The following CDC42BPB variants were observed in gnomAD, a reference collection of about 807,000 sequenced individuals.
CDC42BPB encodes the protein CDC42 binding protein kinase beta.
In CDC42BPB, 37 loss-of-function variants were observed where a neutral mutation model predicts 214.9. That is an observed-to-expected ratio of 0.17 (90% confidence interval 0.13 to 0.23). The LOEUF is 0.23. CDC42BPB is among the 10% of genes least tolerant of loss of function. The pLI is 1.00. For missense variants in CDC42BPB, 1,694 were observed against 2,227.0 expected, an observed-to-expected ratio of 0.76 and a Z score of 4.82; for synonymous variants, 931 against 884.0, an observed-to-expected ratio of 1.05 and a Z score of -0.94.
chr14:102,992,518 C>T (rs1894540381), intron 5 of CDC42BPB, among the ~76,000 whole-genome samples: 2 of 152,164 alleles, frequency 1.3e-5, no homozygotes, highest in Admixed American at 6.5e-5. Context: ...TGACTGCTGC[C>T]GCCTCCCAGC....
At chr14:102,992,237 T>C (rs1894527640) in intron 5 of CDC42BPB, among the ~76,000 whole-genome samples, 1 of 152,226 alleles carries the variant, frequency 6.6e-6, no homozygotes, top group African/African-American at 2.4e-5. Context: ...GGAGCTTTAC[T>C]GAATACCTGT....
intron 1 of CDC42BPB, among the ~76,000 whole-genome samples, chr14:103,048,531 A>C (rs55720264): frequency 8.1e-6 from 1 of 123,808 alleles, no homozygotes; most frequent in Admixed American, 8.2e-5. Flanking sequence ...TACTAAAAAT[A>C]CAAAAAAAAA....
chr14:103,006,029 AAAAAAAG>A (rs1486648268), intron 3 of CDC42BPB, among the ~76,000 whole-genome samples: 1 of 152,050 alleles, frequency 6.6e-6, no homozygotes, highest in Non-Finnish European at 1.5e-5. Flanking sequence ...AAAAAAAAAA[AAAAAAAG>A]ATGGCTGTTG....
intron 1 of CDC42BPB, among the ~76,000 whole-genome samples, chr14:103,053,547 G>A (rs141150383): frequency 2.0e-5 from 3 of 151,726 alleles, no homozygotes; most frequent in Non-Finnish European, 2.9e-5. Context: ...AGATCACGAG[G>A]TCTGGAGATC....
intron 5 of CDC42BPB, among the ~76,000 whole-genome samples, chr14:102,993,143 T>C (rs922335798): frequency 2.6e-5 from 4 of 152,210 alleles, no homozygotes; most frequent in Admixed American, 2.0e-4. Flanking sequence ...CTGCTGAATA[T>C]ATTATTTTCA....
In CDC42BPB at chr14:102,932,796, T is replaced by C. The variant is rs902148713; in HGVS notation, c.*916A>G. 1 of 150,258 alleles carries C rather than the reference T, an allele frequency of 6.7e-6. No individual in the cohort carries two copies. Among genetic ancestry groups the C allele is most frequent in the Non-Finnish European group, 1.5e-5 (1 of 67,588 alleles). 9.3% of individuals were successfully genotyped at this position (150,258 alleles called of 1,614,324 possible). On this transcript the variant is annotated 3_prime_UTR_variant, in exon 37 of 37. Coordinates refer to ENST00000361246, the MANE Select transcript of CDC42BPB (RefSeq NM_006035.4). ...TTGCTGTGCCGTGGGCCGGGGCCAGTGTGCAGGAGTGTGTTGGGTGGGTCT... is the reference window on the plus strand; with the variant it reads ...TTGCTGTGCCGTGGGCCGGGGCCAGCGTGCAGGAGTGTGTTGGGTGGGTCT...
intron 2 of CDC42BPB, among the ~76,000 whole-genome samples, chr14:103,009,530 G>A (rs1008970405): frequency 6.6e-6 from 1 of 152,206 alleles, no homozygotes; most frequent in Non-Finnish European, 1.5e-5. Flanking sequence ...CTCAAAAAGC[G>A]ATCAATGTTA....
chr14:102,950,326 C>G (rs895164070), intron 25 of CDC42BPB, 140 bp downstream of exon 25: 1 of 1,202,964 alleles, frequency 8.3e-7, no homozygotes, highest in African/African-American at 1.5e-5. Context: ...GCCTCAGTGC[C>G]CAGGAGGGTA....
At chr14:103,002,201 T>A (rs1314742771) in intron 4 of CDC42BPB, among the ~76,000 whole-genome samples, 1 of 152,140 alleles carries the variant, frequency 6.6e-6, no homozygotes, top group East Asian at 1.9e-4. Context: ...GAAGAGGAAC[T>A]GGCCTAACCC....
chr14:103,045,351 C>T (rs1476355758), intron 1 of CDC42BPB, among the ~76,000 whole-genome samples: 1 of 152,176 alleles, frequency 6.6e-6, no homozygotes, highest in Non-Finnish European at 1.5e-5. Context: ...AAACACAGCT[C>T]TATGACATTT....
chr14:103,050,158 G>C (rs1172093389), intron 1 of CDC42BPB, among the ~76,000 whole-genome samples: 1 of 152,218 alleles, frequency 6.6e-6, no homozygotes, highest in African/African-American at 2.4e-5. Flanking sequence ...GTGATGAAGA[G>C]AGTTTGAGAC....
At chr14:103,035,564 G>A (rs1487295312) in intron 1 of CDC42BPB, among the ~76,000 whole-genome samples, 3 of 152,148 alleles carry the variant, frequency 2.0e-5, no homozygotes, top group Non-Finnish European at 4.4e-5. Context: ...CAGGCAGCCA[G>A]GTGCGGTGGC....
Position 102,943,198 on chromosome 14 carries a change from T to C in CDC42BPB, c.4408+693A>G, listed in dbSNP as rs545037228. On this transcript the variant is annotated intron_variant, in intron 30 of 36. Transcript: ENST00000361246. The surrounding 1 kb of genome is among the most constrained non-coding windows in gnomAD (Gnocchi z 4.6). The stretch of plus-strand genomic sequence containing the variant: ...AGTAGAGATGAGGCTGGTATTGAAC[T>C]TCTGAGCTCAAGTGAGCCTCCTGCC... 3.5e-4 allele frequency among the ~76,000 whole-genome samples: 53 copies of C among 152,146 alleles called. No individual in the cohort carries two copies. The highest frequency in any genetic ancestry group is 5.4e-4 in the Non-Finnish European group (37 of 67,998).
intron 5 of CDC42BPB, among the ~76,000 whole-genome samples, chr14:102,990,450 G>A (rs1225664675): frequency 6.6e-6 from 1 of 152,172 alleles, no homozygotes. Flanking sequence ...GTGAGTGCAC[G>A]TACTAACGGT....
Position 102,996,264 on chromosome 14 carries a change from C to T in CDC42BPB, c.596+3301G>A, listed in dbSNP as rs367713086. ...CTGAGGCAGGAGAATGGCGTGAACC[C>T]GGGAGGCGGAGCTTGCAGTGAGCTG... On this transcript the variant is annotated intron_variant, in intron 5 of 36. Coordinates refer to ENST00000361246, the MANE Select transcript of CDC42BPB (RefSeq NM_006035.4). Among the ~76,000 whole-genome samples the T allele has an allele frequency of 2.0e-3, 309 of 151,740 alleles. 2 individuals carry two copies. Among genetic ancestry groups the T allele is most frequent in the African/African-American group, 7.0e-3 (291 of 41,370 alleles).
At chr14:103,024,787 C>CAT (rs1409260133) in intron 1 of CDC42BPB, among the ~76,000 whole-genome samples, 1 of 152,186 alleles carries the variant, frequency 6.6e-6, no homozygotes, top group African/African-American at 2.4e-5. Context: ...TCTCTACAGG[C>CAT]ATATGGTCTC....
chr14:102,956,029 C>G (rs1199713271), intron 21 of CDC42BPB, among the ~76,000 whole-genome samples: 1 of 152,214 alleles, frequency 6.6e-6, no homozygotes, highest in Non-Finnish European at 1.5e-5. Context: ...GTAAGCAAAT[C>G]TGCCCCATAA....
intron 19 of CDC42BPB, among the ~76,000 whole-genome samples, chr14:102,964,277 C>A (rs1047035004): frequency 2.6e-5 from 4 of 152,264 alleles, no homozygotes; most frequent in Non-Finnish European, 5.9e-5. Flanking sequence ...ACCACACCCC[C>A]CCGCGGCAGG....
rs780626139 is a variant in CDC42BPB, at chr14:102,971,957, G to A, written c.1846C>T (p.Arg616Trp). Residue 616 changes from arginine (R) to tryptophan (W), a missense_variant, in exon 13 of 37, where the codon CGG becomes TGG. This residue lies in a region of CDC42BPB where 462 missense variants were observed against 513.5 expected (regional missense o/e 0.90). Transcript: ENST00000361246. ...EVATQKVDAM[R>W]QEMRRAEKLR... Reference sequence around the variant, plus strand: ...TTCTCAGCTCTCCGCATTTCCTGCCGCATGGCGTCCACCTTCTGCGTGGCC... The same window carrying A: ...TTCTCAGCTCTCCGCATTTCCTGCCACATGGCGTCCACCTTCTGCGTGGCC... The A allele has an allele frequency of 3.1e-6, 5 of 1,614,178 alleles. No individual in the cohort carries two copies. The highest frequency in any genetic ancestry group is 3.4e-6 in the Non-Finnish European group (4 of 1,180,034).
Sources: allele counts gnomAD v4.1 joint callset (sites outside exome capture counted in the v4.1 genomes callset), GRCh38; gene constraint gnomAD v4.1.1; regional missense constraint gnomAD v4.1.1; non-coding constraint Gnocchi (gnomAD v3.1); transcripts MANE v1.5; gene names NCBI Gene and HGNC (gene_info 2026-07-23, HGNC 2026-07-21).